TMEM131L: variants seen among roughly 807,000 people sequenced by gnomAD.
The protein encoded by TMEM131L is transmembrane protein 131-like.
TMEM131L carries 54 observed loss-of-function variants against 192.2 expected under a neutral mutation model. The ratio of observed to expected loss-of-function variants is 0.28; its 90% confidence interval spans 0.23 to 0.35. The LOEUF (loss-of-function observed/expected upper bound fraction) is 0.35, where lower values mean the gene tolerates loss of function less well. Among genes scored for constraint, TMEM131L ranks in the 10% least tolerant of loss-of-function variants. The pLI, the probability that TMEM131L is intolerant of heterozygous loss-of-function variation, is 1.00. For synonymous variants in TMEM131L, 701 were observed against 704.9 expected, an observed-to-expected ratio of 0.99 and a Z score of 0.09; for missense variants, 1,888 against 1,972.9, an observed-to-expected ratio of 0.96 and a Z score of 0.82.
At chr4:153,476,957 A>G (rs1402979516) in intron 3 of TMEM131L, among the ~76,000 whole-genome samples, 1 of 152,226 alleles carries the variant, frequency 6.6e-6, no homozygotes, top group African/African-American at 2.4e-5. Context: ...GTAAACGCCC[A>G]CAATTGTAAA....
chr4:153,515,564 AT>A (rs1734672606), intron 3 of TMEM131L, among the ~76,000 whole-genome samples: 1 of 152,194 alleles, frequency 6.6e-6, no homozygotes, highest in Non-Finnish European at 1.5e-5. Flanking sequence ...GTGTGGACGT[AT>A]GTTTTCAATT....
At chr4:153,506,707 G>A (rs987633130) in intron 3 of TMEM131L, among the ~76,000 whole-genome samples, 2 of 151,948 alleles carry the variant, frequency 1.3e-5, no homozygotes, top group Admixed American at 6.6e-5. Context: ...GCCAGGCCTG[G>A]TGGCACATGC....
chr4:153,586,442 C>T lies in TMEM131L; in HGVS notation c.1482+63C>T. On this transcript the variant is annotated intron_variant, in intron 14 of 34. Coordinates refer to ENST00000409959, the MANE Select transcript of TMEM131L (RefSeq NM_001131007.2). Reference sequence around the variant, plus strand: ...TTAATTACTGTTGCTTTTTATTAACCTTTAGTGCTTGAGTTTTATTAACTG... The same window carrying T: ...TTAATTACTGTTGCTTTTTATTAACTTTTAGTGCTTGAGTTTTATTAACTG... 6.4e-6 allele frequency: 8 copies of T among 1,251,190 alleles called. No homozygotes were observed. The South Asian group carries it at 1.2e-4, about 19-fold the overall frequency. The allele number at this position is 1,251,190 out of a possible 1,614,324, so 77.5% of individuals were successfully genotyped here.
At chr4:153,571,933 C>T (rs997196425) in intron 7 of TMEM131L, among the ~76,000 whole-genome samples, 1 of 152,184 alleles carries the variant, frequency 6.6e-6, no homozygotes, top group African/African-American at 2.4e-5. Flanking sequence ...TTAAAAGCTC[C>T]ATTTAGCACA....
At chr4:153,486,899 G>C (rs1024011069) in intron 3 of TMEM131L, among the ~76,000 whole-genome samples, 4 of 152,230 alleles carry the variant, frequency 2.6e-5, no homozygotes, top group Non-Finnish European at 5.9e-5. Context: ...GCCGACAGCA[G>C]TGTGTGCTAT....
intron 3 of TMEM131L, among the ~76,000 whole-genome samples, chr4:153,487,719 T>TGAGA (rs1554020496): frequency 3.8e-4 from 55 of 143,526 alleles, no homozygotes; most frequent in South Asian, 1.2e-3. Context: ...TGTGTGTGTG[T>TGAGA]GAGAGAGAGA....
At chr4:153,632,522 G>A (rs1734281953) in intron 31 of TMEM131L, 196 bp from the exon 32 acceptor site, 1 of 585,812 alleles carries the variant, frequency 1.7e-6, no homozygotes, top group African/African-American at 1.9e-5. Context: ...GAGACAATCG[G>A]ACACTGTCTG....
Position 153,627,675 on chromosome 4 carries a change from G to C in TMEM131L, c.4195G>C (p.Glu1399Gln). ...CCTTCCTGCCGGGCCCACAGGTGTT[G>C]AAGAAGATAAAGGTGAGATGCATTC... is the stretch of plus-strand genomic sequence containing the variant. Reference protein sequence around the residue: ...PSLPAGPTGVEEDKGLYSPGD... With the variant: ...PSLPAGPTGVQEDKGLYSPGD... Residue 1399 changes from glutamate to glutamine, a missense_variant, in exon 31 of 35, where the codon GAA (glutamate) becomes CAA (glutamine). Glu to Gln is a conservative substitution (Grantham distance 29). Transcript: ENST00000409959. 1 of 1,613,476 alleles carries C rather than the reference G, an allele frequency of 6.2e-7. No homozygotes were observed.
chr4:153,550,317 A>G (rs1443721327), intron 4 of TMEM131L, among the ~76,000 whole-genome samples, 176 bp downstream of exon 4: 3 of 152,210 alleles, frequency 2.0e-5, no homozygotes, highest in East Asian at 3.9e-4. Context: ...GAATTGTTTC[A>G]GCCCTTTCTT....
chr4:153,598,112 G>A (rs6814209), intron 20 of TMEM131L, among the ~76,000 whole-genome samples: 13,850 of 152,030 alleles, frequency 0.091, 2,024 homozygotes, highest in African/African-American at 0.31. Context: ...AGAATTTTAC[G>A]TCTAGTATCA....
chr4:153,500,578 G>A (rs892224479), intron 3 of TMEM131L, among the ~76,000 whole-genome samples: 5 of 152,074 alleles, frequency 3.3e-5, no homozygotes, highest in South Asian at 4.1e-4. Context: ...TACTTGGATC[G>A]TGTTATTTTA....
At chr4:153,500,713 A>G (rs982850482) in intron 3 of TMEM131L, among the ~76,000 whole-genome samples, 5 of 152,212 alleles carry the variant, frequency 3.3e-5, no homozygotes, top group African/African-American at 9.7e-5. Context: ...TCTTTAAAAT[A>G]CAAATATTTA....
chr4:153,631,174 A>G (rs1283407125), intron 31 of TMEM131L, among the ~76,000 whole-genome samples: 1 of 152,226 alleles, frequency 6.6e-6, no homozygotes, highest in Non-Finnish European at 1.5e-5. Context: ...GCAGCCTCCC[A>G]GTAGATGCTG....
intron 26 of TMEM131L, among the ~76,000 whole-genome samples, chr4:153,618,819 G>A (rs1171827461): frequency 2.0e-5 from 3 of 152,014 alleles, no homozygotes; most frequent in African/African-American, 7.3e-5. Flanking sequence ...GCTCTTCCTC[G>A]GATTTCTTGA....
At chr4:153,491,464 G>A (rs1732773340) in intron 3 of TMEM131L, among the ~76,000 whole-genome samples, 2 of 152,154 alleles carry the variant, frequency 1.3e-5, no homozygotes, top group Non-Finnish European at 1.5e-5. Context: ...TGTTTTCTCA[G>A]TGGTCCTTAT....
chr4:153,573,848 T>A (rs1054751630), intron 7 of TMEM131L, among the ~76,000 whole-genome samples: 1 of 152,202 alleles, frequency 6.6e-6, no homozygotes, highest in Non-Finnish European at 1.5e-5. Context: ...AAAGCTTTAA[T>A]GTGGGAAAAA....
intron 7 of TMEM131L, among the ~76,000 whole-genome samples, chr4:153,560,811 G>C (rs371751374): frequency 6.6e-6 from 1 of 152,130 alleles, no homozygotes; most frequent in Non-Finnish European, 1.5e-5. Flanking sequence ...GGACATTTGC[G>C]TTGTTTCTAC....
intron 3 of TMEM131L, among the ~76,000 whole-genome samples, chr4:153,507,584 C>CA (rs1734075576): frequency 6.6e-6 from 1 of 152,078 alleles, no homozygotes; most frequent in African/African-American, 2.4e-5. Context: ...CAAAACAAAA[C>CA]AAAAACGTAA....
chr4:153,627,777 C>A, intron 31 of TMEM131L, 90 bp downstream of exon 31: 9 of 1,071,310 alleles, frequency 8.4e-6, no homozygotes, highest in Non-Finnish European at 1.3e-5. Context: ...ACAGAGCAGG[C>A]GGGGTGGGAC....
Sources: gnomAD v4.1 joint callset for allele counts (sites outside exome capture counted in the v4.1 genomes callset) on GRCh38, gnomAD v4.1.1 for gene constraint, MANE v1.5 for transcripts, NCBI Gene and HGNC (gene_info 2026-07-23, HGNC 2026-07-21) for gene names.